The following RALGAPA1 variants were observed in gnomAD, a reference collection of about 807,000 sequenced individuals.
The protein encoded by RALGAPA1 is Ral GTPase activating protein catalytic subunit alpha 1.
In RALGAPA1, 52 loss-of-function variants were observed where a neutral mutation model predicts 269.6. The observed-to-expected ratio is 0.19, with a 90% CI of 0.15 to 0.24. The LOEUF (loss-of-function observed/expected upper bound fraction) is 0.24. RALGAPA1 is among the 10% of genes least tolerant of loss of function. The pLI is 1.00. For synonymous variants in RALGAPA1, 817 were observed against 1,008.3 expected, an observed-to-expected ratio of 0.81 and a Z score of 3.60; for missense variants, 1,917 against 3,013.9, an observed-to-expected ratio of 0.64 and a Z score of 8.52.
intron 14 of RALGAPA1, among the ~76,000 whole-genome samples, chr14:35,724,555 T>G (rs139377986): frequency 3.2e-4 from 48 of 152,222 alleles, no homozygotes; most frequent in Middle Eastern, 3.4e-3. Context: ...GATAATAAAG[T>G]CTTATTAAAA....
At chr14:35,792,554 G>A (rs575937620) in intron 1 of RALGAPA1, among the ~76,000 whole-genome samples, 7 of 152,046 alleles carry the variant, frequency 4.6e-5, no homozygotes, top group South Asian at 4.2e-4. Context: ...AGGCCAGGGC[G>A]GGTGGACTGT....
intron 28 of RALGAPA1, among the ~76,000 whole-genome samples, chr14:35,657,275 ACCT>A (rs1450572356): frequency 6.8e-6 from 1 of 148,124 alleles, no homozygotes; most frequent in African/African-American, 2.5e-5. Context: ...TGCAACCTCC[ACCT>A]CCTCGGTTCA....
chr14:35,753,340 A>G (rs541436610), intron 7 of RALGAPA1, among the ~76,000 whole-genome samples: 43 of 152,242 alleles, frequency 2.8e-4, no homozygotes, highest in Middle Eastern at 3.4e-3. Flanking sequence ...ACAAATGGGG[A>G]GGGGAGAAAG....
intron 1 of RALGAPA1, among the ~76,000 whole-genome samples, chr14:35,792,595 C>T (rs2076252443): frequency 6.6e-6 from 1 of 151,684 alleles, no homozygotes; most frequent in Non-Finnish European, 1.5e-5. Flanking sequence ...CCAGCCTGGC[C>T]AACGTGGCGA....
chr14:35,628,679 CA>C (rs1420820866), intron 33 of RALGAPA1, among the ~76,000 whole-genome samples: 2 of 152,108 alleles, frequency 1.3e-5, no homozygotes, highest in African/African-American at 4.8e-5. Context: ...TAAATTTAAA[CA>C]GCAAGTCAGT....
intron 35 of RALGAPA1, among the ~76,000 whole-genome samples, chr14:35,611,435 G>A (rs1397761549): frequency 6.6e-6 from 1 of 151,854 alleles, no homozygotes; most frequent in East Asian, 1.9e-4. Flanking sequence ...CTGGGAGGTG[G>A]AGGATGCAGT....
chr14:35,783,943 C>A (rs936946716), intron 1 of RALGAPA1, among the ~76,000 whole-genome samples: 1 of 151,990 alleles, frequency 6.6e-6, no homozygotes, highest in Non-Finnish European at 1.5e-5. Context: ...AAATTTGAAT[C>A]TTTGTACACT....
intron 1 of RALGAPA1, among the ~76,000 whole-genome samples, chr14:35,789,176 T>C (rs1342991198): frequency 6.6e-6 from 1 of 152,056 alleles, no homozygotes; most frequent in East Asian, 1.9e-4. Context: ...CCTGAGATTT[T>C]AAAGAAGACT....
rs2067964000 is a variant in RALGAPA1, at chr14:35,708,071, A to G, written c.2267-7769T>C. The stretch of plus-strand genomic sequence containing the variant: ...TAACTGGATACCCATATGCAGAAGA[A>G]TGAAACTAGATCCCTTTCTCCATAT... On this transcript the variant is annotated intron_variant, in intron 16 of 41. Transcript: ENST00000680220. Among the ~76,000 whole-genome samples the G allele has an allele frequency of 2.0e-5, 3 of 152,176 alleles. No individual in the cohort carries two copies. The South Asian group carries it at 6.2e-4, about 32-fold the overall frequency.
chr14:35,677,046 C>T (rs558332352), intron 22 of RALGAPA1: 1 of 152,096 alleles, frequency 6.6e-6, no homozygotes, highest in South Asian at 2.1e-4. Flanking sequence ...TGCAAGTTAA[C>T]GAATGGGTCC....
intron 39 of RALGAPA1, among the ~76,000 whole-genome samples, chr14:35,562,543 T>C (rs1264443248): frequency 1.3e-5 from 2 of 152,152 alleles, no homozygotes; most frequent in East Asian, 1.9e-4. Context: ...ACTGATTAAG[T>C]AGTCAAAATA....
rs559658687 is a variant in RALGAPA1 at position 35,786,864 on chromosome 14, G to A, written c.107-11119C>T. 3.3e-5 allele frequency among the ~76,000 whole-genome samples: 5 copies of A among 152,202 alleles called. No homozygotes were observed. The South Asian group carries it at 1.0e-3, about 32-fold the overall frequency. On this transcript the variant is annotated intron_variant, in intron 1 of 41. Coordinates refer to ENST00000680220, the MANE Select transcript of RALGAPA1 (RefSeq NM_001346249.2). ...TCTTTTTTCAAAAAAAATCATATCA[G>A]ACGAGTAATGTGCCAACATCATAAA...
intron 29 of RALGAPA1, among the ~76,000 whole-genome samples, chr14:35,654,843 T>C (rs974694250): frequency 3.9e-5 from 6 of 152,192 alleles, no homozygotes; most frequent in African/African-American, 1.4e-4. Context: ...ATCCTGACAT[T>C]ATGCTTAAAA....
intron 39 of RALGAPA1, among the ~76,000 whole-genome samples, chr14:35,569,921 G>A (rs1465211287): frequency 6.6e-6 from 1 of 152,136 alleles, no homozygotes; most frequent in Non-Finnish European, 1.5e-5. Context: ...GAGTCGTAGA[G>A]TACCTGACAC....
rs1368552476 is a variant in RALGAPA1 at position 35,655,497 on chromosome 14, TA to T, written c.5496+309del. Among the ~76,000 whole-genome samples, 9 of 150,896 alleles carry T rather than the reference TA, an allele frequency of 6.0e-5. No homozygotes were observed. In the South Asian group the frequency reaches 1.0e-3, roughly 18 times the overall value. ...AACAGTAAGTTACAAAAATACTAGT[TA>T]AAAAAAAACCAGAAAAACCCTATAT... On this transcript the variant is annotated intron_variant, in intron 29 of 41. Coordinates refer to ENST00000680220, the MANE Select transcript of RALGAPA1 (RefSeq NM_001346249.2).
intron 16 of RALGAPA1, among the ~76,000 whole-genome samples, chr14:35,711,770 C>A (rs901847747): frequency 6.6e-6 from 1 of 152,134 alleles, no homozygotes; most frequent in African/African-American, 2.4e-5. Context: ...CCACTGTACC[C>A]CACCCAAGTC....
At chr14:35,609,300 A>G (rs1051633550) in intron 35 of RALGAPA1, among the ~76,000 whole-genome samples, 5 of 152,106 alleles carry the variant, frequency 3.3e-5, no homozygotes, top group Admixed American at 2.6e-4. Flanking sequence ...TGCAAGGTAT[A>G]TTTTTTATCC....
chr14:35,710,649 T>C (rs1322786130), intron 16 of RALGAPA1, among the ~76,000 whole-genome samples: 3 of 152,312 alleles, frequency 2.0e-5, no homozygotes, highest in African/African-American at 7.2e-5. Context: ...ATAATGATGT[T>C]TCGGTCACCA....
chr14:35,742,980 C>A (rs1014800521), intron 10 of RALGAPA1, among the ~76,000 whole-genome samples: 3 of 152,140 alleles, frequency 2.0e-5, no homozygotes, highest in Admixed American at 6.5e-5. Context: ...GGACAGGATG[C>A]CATTCCATTG....
Sources: allele counts gnomAD v4.1 joint callset (sites outside exome capture counted in the v4.1 genomes callset), GRCh38; gene constraint gnomAD v4.1.1; transcripts MANE v1.5; gene names NCBI Gene and HGNC (gene_info 2026-07-23, HGNC 2026-07-21).